NAA15: variants seen among roughly 807,000 people sequenced by gnomAD.
NAA15 encodes N-terminal acetyltransferase.
NAA15 carries 34 observed loss-of-function variants against 114.0 expected under a neutral mutation model. The observed-to-expected ratio is 0.30, with a 90% confidence interval of 0.23 to 0.40. The LOEUF (loss-of-function observed/expected upper bound fraction) is 0.40. Ranked by LOEUF, NAA15 falls within the 10% of genes least tolerant of loss-of-function variation. NAA15 has a pLI of 1.00. For missense variants in NAA15, 658 were observed against 1,004.5 expected (o/e 0.66, Z 4.66); for synonymous variants, 340 against 338.0 (o/e 1.01, Z -0.06).
At chr4:139,352,910 C>T (rs1479717870) in intron 9 of NAA15, among the ~76,000 whole-genome samples, 1 of 151,918 alleles carries the variant, frequency 6.6e-6, no homozygotes, top group Non-Finnish European at 1.5e-5. Context: ...TCAGGCAATC[C>T]ACCCATCTTG....
rs1747365308 is a variant in NAA15 at position 139,340,965 on chromosome 4, A to T, written c.298A>T (p.Ile100Phe). The T allele has an allele frequency of 6.2e-7, 1 of 1,607,820 alleles. No homozygotes were observed. The highest frequency in any genetic ancestry group is 8.5e-7 in the Non-Finnish European group (1 of 1,177,560). ...GTCAGACAAGAAGTATGATGAAGCC[A>T]TTAAGTGTTACAGAAATGCACTAAA... ...QRSDKKYDEA[I>F]KCYRNALKWD... The change falls in exon 4 of 20, where the codon ATT becomes TTT. Residue 100 changes from isoleucine to phenylalanine, a missense_variant. Physicochemically the swap from Ile to Phe is conservative, Grantham distance 21 (BLOSUM62 0). Around this residue, in one of 6 missense-constraint regions of NAA15, gnomAD observed 75 missense variants for 172.3 expected, o/e 0.44. Transcript: ENST00000296543.
At chr4:139,306,087 T>G (rs551858710) in intron 1 of NAA15, among the ~76,000 whole-genome samples, 1 of 152,354 alleles carries the variant, frequency 6.6e-6, no homozygotes. Context: ...TTTTGTTGTA[T>G]ATTTTTCTCT....
intron 14 of NAA15, among the ~76,000 whole-genome samples, chr4:139,362,310 T>G (rs571594058): frequency 4.7e-4 from 72 of 152,362 alleles, no homozygotes; most frequent in African/African-American, 1.6e-3. Context: ...AGATGGAGTC[T>G]CGCTCTGTTT....
intron 10 of NAA15, among the ~76,000 whole-genome samples, chr4:139,355,446 G>C (rs1026735924): frequency 6.0e-5 from 9 of 151,190 alleles, no homozygotes; most frequent in Non-Finnish European, 8.8e-5. Context: ...TTTGCTGACT[G>C]TACCCCATGT....
At chr4:139,366,118 T>C (rs1748275725) in intron 14 of NAA15, among the ~76,000 whole-genome samples, 1 of 152,150 alleles carries the variant, frequency 6.6e-6, no homozygotes, top group Non-Finnish European at 1.5e-5. Context: ...CTTTATGTTA[T>C]CTATTGCTGC....
chr4:139,345,501 T>G (rs1747550077), intron 6 of NAA15, among the ~76,000 whole-genome samples: 1 of 152,254 alleles, frequency 6.6e-6, no homozygotes, highest in East Asian at 1.9e-4. Context: ...ATAGGTAAAG[T>G]TAGATAAAGG....
intron 5 of NAA15, among the ~76,000 whole-genome samples, chr4:139,343,913 A>G (rs1747492303): frequency 6.6e-6 from 1 of 152,024 alleles, no homozygotes; most frequent in African/African-American, 2.4e-5. Flanking sequence ...TAGGTTTATT[A>G]TTTGGCATTC....
At chr4:139,317,151 T>C (rs1746437241) in intron 1 of NAA15, among the ~76,000 whole-genome samples, 1 of 151,898 alleles carries the variant, frequency 6.6e-6, no homozygotes, top group South Asian at 2.1e-4. Context: ...GCTATATTGC[T>C]CTTCTGGACA....
intron 1 of NAA15, among the ~76,000 whole-genome samples, chr4:139,306,537 A>G (rs748675926): frequency 1.3e-4 from 19 of 149,318 alleles, no homozygotes; most frequent in Non-Finnish European, 2.8e-4. Context: ...ACCTGGTCCT[A>G]TGTAAGAGTT....
chr4:139,384,334 T>C (rs1748832463), intron 17 of NAA15, among the ~76,000 whole-genome samples: 1 of 152,054 alleles, frequency 6.6e-6, no homozygotes, highest in Admixed American at 6.6e-5. Context: ...AAAAATTAGC[T>C]GGACGTGGTA....
At chr4:139,349,751 G>T (rs1159600945) in intron 7 of NAA15, among the ~76,000 whole-genome samples, 170 bp downstream of exon 7, 1 of 152,154 alleles carries the variant, frequency 6.6e-6, no homozygotes, top group African/African-American at 2.4e-5. Context: ...TTGGGAGGCC[G>T]AGGTGGATGG....
rs544013047 is a variant in NAA15, at chr4:139,369,239, A to G, written c.1754-972A>G. On this transcript the variant is annotated intron_variant, in intron 14 of 19. Coordinates refer to ENST00000296543, the MANE Select transcript of NAA15 (RefSeq NM_057175.5). Reference sequence around the variant, plus strand: ...GAATGAATAATTGTTTGGCCAGGTTAGAGAAGGCATAACTAAGCGAGCATA... The same window carrying G: ...GAATGAATAATTGTTTGGCCAGGTTGGAGAAGGCATAACTAAGCGAGCATA... Among the ~76,000 whole-genome samples, 68 of 152,358 alleles carry G rather than the reference A, an allele frequency of 4.5e-4. 1 individual carries two copies. The highest frequency in any genetic ancestry group is 1.6e-3 in the African/African-American group (66 of 41,592).
intron 2 of NAA15, among the ~76,000 whole-genome samples, chr4:139,336,089 C>T (rs1039190268): frequency 6.6e-6 from 1 of 152,152 alleles, no homozygotes; most frequent in Non-Finnish European, 1.5e-5. Context: ...CATGTTGATT[C>T]TTCCTCAGGA....
At chr4:139,360,682 A>G in intron 13 of NAA15, 54 bp downstream of exon 13, 1 of 1,454,038 alleles carries the variant, frequency 6.9e-7, no homozygotes, top group South Asian at 1.4e-5. Flanking sequence ...ATGGTTTTGG[A>G]CAAATTTCAT....
At chr4:139,304,930 T>TA (rs1745959600) in intron 1 of NAA15, among the ~76,000 whole-genome samples, 1 of 152,124 alleles carries the variant, frequency 6.6e-6, no homozygotes, top group Non-Finnish European at 1.5e-5. Context: ...GGTTTAGAGA[T>TA]AGAGTCTTCC....
chr4:139,303,925 T>C, intron 1 of NAA15, among the ~76,000 whole-genome samples: 1 of 150,222 alleles, frequency 6.7e-6, no homozygotes, highest in East Asian at 1.9e-4. Flanking sequence ...CTTTTTTTTG[T>C]TTGTTTGTTT....
At chr4:139,309,869 T>C (rs1003379018) in intron 1 of NAA15, among the ~76,000 whole-genome samples, 17 of 152,316 alleles carry the variant, frequency 1.1e-4, no homozygotes, top group Non-Finnish European at 2.4e-4. Flanking sequence ...TAATGTTCCA[T>C]TTTTTAGATG....
At chr4:139,330,487 A>G (rs564250818) in intron 1 of NAA15, among the ~76,000 whole-genome samples, 2 of 152,308 alleles carry the variant, frequency 1.3e-5, no homozygotes, top group East Asian at 1.9e-4. Context: ...AAAATATTCA[A>G]CCAGTTAGGA....
At chr4:139,306,223 T>G (rs560403399) in intron 1 of NAA15, among the ~76,000 whole-genome samples, 2 of 152,162 alleles carry the variant, frequency 1.3e-5, no homozygotes, top group Non-Finnish European at 2.9e-5. Flanking sequence ...ATGTGACATA[T>G]ACTATGTAAG....
Sources: allele counts gnomAD v4.1 joint callset (sites outside exome capture counted in the v4.1 genomes callset), GRCh38; gene constraint gnomAD v4.1.1; regional missense constraint gnomAD v4.1.1; transcripts MANE v1.5; gene names NCBI Gene and HGNC (gene_info 2026-07-23, HGNC 2026-07-21).